GPC6: variants seen among roughly 807,000 people sequenced by gnomAD.
GPC6 encodes glypican-6.
GPC6 carries 14 observed loss-of-function variants against 55.2 expected under a neutral mutation model. The observed-to-expected ratio is 0.25, with a 90% CI of 0.17 to 0.40. GPC6 has a LOEUF of 0.40. Ranked by LOEUF, GPC6 falls within the 10% of genes least tolerant of loss-of-function variation. The pLI is 1.00. For missense variants in GPC6, 641 were observed against 708.5 expected (o/e 0.90, Z 1.08); for synonymous variants, 278 against 259.6 (o/e 1.07, Z -0.68).
At chr13:93,791,228 A>T (rs143672404) in intron 2 of GPC6, among the ~76,000 whole-genome samples, 23 of 152,276 alleles carry the variant, frequency 1.5e-4, no homozygotes, top group African/African-American at 5.3e-4. Context: ...TTCACTCAAA[A>T]ATACCATTGG....
intron 2 of GPC6, among the ~76,000 whole-genome samples, chr13:93,721,399 G>C (rs1883450248): frequency 2.6e-5 from 4 of 151,666 alleles, no homozygotes; most frequent in African/African-American, 7.3e-5. Flanking sequence ...TAGAGTAGCT[G>C]ATTAAAGTAA....
chr13:94,022,058 C>T (rs1173289812), intron 3 of GPC6, among the ~76,000 whole-genome samples: 1 of 151,938 alleles, frequency 6.6e-6, no homozygotes, highest in Non-Finnish European at 1.5e-5. Context: ...AATTAATATA[C>T]CCATCATCTT....
At chr13:93,491,716 T>A (rs1483776120) in intron 1 of GPC6, among the ~76,000 whole-genome samples, 1 of 134,730 alleles carries the variant, frequency 7.4e-6, no homozygotes, top group African/African-American at 2.8e-5. Context: ...AAGGAAGGGA[T>A]CCAGTTTCAG....
chr13:93,512,183 A>G (rs1407215692), intron 1 of GPC6, among the ~76,000 whole-genome samples: 1 of 151,908 alleles, frequency 6.6e-6, no homozygotes, highest in African/African-American at 2.4e-5. Flanking sequence ...TTTCTTTCTG[A>G]TTGCTCTGGC....
intron 2 of GPC6, among the ~76,000 whole-genome samples, chr13:93,628,964 T>A (rs1046684175): frequency 6.6e-6 from 1 of 151,618 alleles, no homozygotes; most frequent in African/African-American, 2.4e-5. Context: ...AATTTTGAAA[T>A]GTTTTCCCTT....
At position 93,933,066 on chromosome 13, in the gene GPC6, A is replaced by G. The variant is rs540310749; in HGVS notation, c.712-94663A>G. 1.9e-4 allele frequency among the ~76,000 whole-genome samples: 27 copies of G among 142,216 alleles called. No homozygotes were observed. In the South Asian group the frequency reaches 5.9e-3, roughly 31 times the overall value. 93.3% of individuals were successfully genotyped at this position (142,216 alleles called of 152,430 possible). A position where few individuals can be genotyped will look rare whatever the true frequency, so the allele number is the denominator to read the frequency against. Reference sequence around the variant, plus strand: ...GGAGGCCACTTACAATCCTTGACTCATGGCCGCTTCCTCTCATCAATCTTT... The same window carrying G: ...GGAGGCCACTTACAATCCTTGACTCGTGGCCGCTTCCTCTCATCAATCTTT... On this transcript the variant is annotated intron_variant, in intron 3 of 8. Coordinates refer to ENST00000377047, the MANE Select transcript of GPC6 (RefSeq NM_005708.5).
intron 6 of GPC6, among the ~76,000 whole-genome samples, chr13:94,346,068 ATTTCCCTGCATGTCTG>A (rs1878273665): frequency 7.9e-6 from 1 of 125,982 alleles, no homozygotes; most frequent in Non-Finnish European, 1.8e-5. Context: ...ATCACATGGC[ATTTCCCTGCATGTCTG>A]TGTCTGTGGT....
chr13:93,551,806 A>C (rs1045898128), intron 2 of GPC6, among the ~76,000 whole-genome samples: 3 of 152,130 alleles, frequency 2.0e-5, no homozygotes, highest in African/African-American at 7.2e-5. Flanking sequence ...ATTCCCTAGG[A>C]ATTCAAGAAA....
intron 4 of GPC6, among the ~76,000 whole-genome samples, chr13:94,138,773 G>A (rs1315342722): frequency 1.3e-5 from 2 of 152,148 alleles, no homozygotes; most frequent in Admixed American, 1.3e-4. Flanking sequence ...ACACCAGCCT[G>A]TAACAATGAC....
Position 94,403,117 on chromosome 13 carries a change from A to G in GPC6, c.1568A>G (p.Asp523Gly). 6.2e-7 allele frequency: 1 copy of G among 1,613,898 alleles called. No individual in the cohort carries two copies. Among genetic ancestry groups the G allele is most frequent in the Non-Finnish European group, 8.5e-7 (1 of 1,179,790 alleles). ...VTTEAPAVDPDRREVDSSAAQ... is the reference protein window; with the variant it reads ...VTTEAPAVDPGRREVDSSAAQ... Reference sequence around the variant, plus strand: ...ACAGAGGCCCCCGCAGTGGATCCCGACCGGAGAGAGGTGGACTCTTCTGCA... The same window carrying G: ...ACAGAGGCCCCCGCAGTGGATCCCGGCCGGAGAGAGGTGGACTCTTCTGCA... The change falls in exon 9 of 9, where the codon GAC becomes GGC. Residue 523 changes from aspartate to glycine, a missense_variant. Coordinates refer to ENST00000377047, the MANE Select transcript of GPC6 (RefSeq NM_005708.5).
At chr13:93,552,631 A>C (rs1875221753) in intron 2 of GPC6, among the ~76,000 whole-genome samples, 1 of 152,178 alleles carries the variant, frequency 6.6e-6, no homozygotes, top group Admixed American at 6.5e-5. Context: ...ACCTCAAAGT[A>C]ACTTGAAATA....
At chr13:93,479,973 C>G (rs115555593) in intron 1 of GPC6, among the ~76,000 whole-genome samples, 2,288 of 152,180 alleles carry the variant, frequency 0.015, 57 homozygotes, top group African/African-American at 0.052. Flanking sequence ...GAAATCATTG[C>G]TGGGAAATGA....
chr13:94,395,798 G>A (rs1258609680), intron 7 of GPC6, among the ~76,000 whole-genome samples: 1 of 152,222 alleles, frequency 6.6e-6, no homozygotes, highest in African/African-American at 2.4e-5. Context: ...TGGCAATTAG[G>A]TAGGGCTGTC....
chr13:94,365,525 C>G (rs1712532634), intron 6 of GPC6, among the ~76,000 whole-genome samples: 1 of 152,166 alleles, frequency 6.6e-6, no homozygotes, highest in Non-Finnish European at 1.5e-5. Flanking sequence ...AAGTACAAAT[C>G]AAATCATATA....
intron 1 of GPC6, among the ~76,000 whole-genome samples, chr13:93,407,157 A>G (rs1229961840): frequency 6.6e-6 from 1 of 152,080 alleles, no homozygotes; most frequent in Non-Finnish European, 1.5e-5. Context: ...TTATTTTTGG[A>G]GAAACATGAT....
chr13:93,947,113 G>A (rs928214879), intron 3 of GPC6, among the ~76,000 whole-genome samples: 5 of 152,126 alleles, frequency 3.3e-5, no homozygotes, highest in East Asian at 1.9e-4. Context: ...TTTGGCCTTC[G>A]AGAGGTATGC....
At chr13:93,412,002 C>CA (rs58692924) in intron 1 of GPC6, among the ~76,000 whole-genome samples, 3,338 of 138,166 alleles carry the variant, frequency 0.024, 118 homozygotes, top group African/African-American at 0.074. Context: ...GACTATGTCT[C>CA]AAAAAAAAAA....
intron 3 of GPC6, among the ~76,000 whole-genome samples, chr13:93,963,735 G>A (rs1283454209): frequency 6.6e-6 from 1 of 152,122 alleles, no homozygotes; most frequent in Non-Finnish European, 1.5e-5. Flanking sequence ...GAAAATCCTT[G>A]TGTACACAAT....
chr13:93,892,250 A>G (rs1875737718), intron 3 of GPC6, among the ~76,000 whole-genome samples: 1 of 152,152 alleles, frequency 6.6e-6, no homozygotes, highest in South Asian at 2.1e-4. Context: ...TAGAGTGAAC[A>G]TGGATATGGG....
Sources: allele counts gnomAD v4.1 joint callset (sites outside exome capture counted in the v4.1 genomes callset), GRCh38; gene constraint gnomAD v4.1.1; transcripts MANE v1.5; gene names NCBI Gene and HGNC (gene_info 2026-07-23, HGNC 2026-07-21).